RIPOR2: variants seen among roughly 807,000 people sequenced by gnomAD.
RIPOR2 encodes RHO family interacting cell polarization regulator 2.
In RIPOR2, 39 loss-of-function variants were observed where a neutral mutation model predicts 114.5. The ratio of observed to expected loss-of-function variants is 0.34; its 90% confidence interval spans 0.26 to 0.44. The LOEUF (loss-of-function observed/expected upper bound fraction) is 0.44, where lower values mean the gene tolerates loss of function less well. Ranked by LOEUF, RIPOR2 falls within the 20% of genes least tolerant of loss-of-function variation. RIPOR2 has a pLI of 1.00. For missense variants in RIPOR2, 1,007 were observed against 1,255.1 expected (o/e 0.80, Z 2.99); for synonymous variants, 445 against 484.4 (o/e 0.92, Z 1.07).
At chr6:24,944,088 A>C (rs1428101715) in intron 1 of RIPOR2, among the ~76,000 whole-genome samples, 1 of 152,186 alleles carries the variant, frequency 6.6e-6, no homozygotes, top group East Asian at 1.9e-4. Context: ...AAAAGCTCCC[A>C]CATATTCCTG....
intron 1 of RIPOR2, among the ~76,000 whole-genome samples, chr6:24,897,172 G>A (rs1767963864): frequency 6.6e-6 from 1 of 152,240 alleles, no homozygotes; most frequent in Non-Finnish European, 1.5e-5. Flanking sequence ...CTAATCAAAT[G>A]GGATGAGCAG....
chr6:24,959,057 C>T (rs1043209422), intron 1 of RIPOR2, among the ~76,000 whole-genome samples: 7 of 151,138 alleles, frequency 4.6e-5, no homozygotes, highest in African/African-American at 1.7e-4. Context: ...CTCAAGCCAT[C>T]CTCCAGCTTT....
intron 1 of RIPOR2, among the ~76,000 whole-genome samples, chr6:25,007,584 T>C (rs1775608438): frequency 6.6e-6 from 1 of 152,170 alleles, no homozygotes; most frequent in Non-Finnish European, 1.5e-5. Flanking sequence ...TTATAATTGT[T>C]ACTTCATTTT....
chr6:24,994,385 G>C (rs773436075), intron 1 of RIPOR2, among the ~76,000 whole-genome samples: 3 of 152,192 alleles, frequency 2.0e-5, no homozygotes, highest in Non-Finnish European at 4.4e-5. Context: ...CAGCATCTTA[G>C]AGTGTATCAC....
chr6:25,039,348 A>T (rs368977619), intron 1 of RIPOR2, among the ~76,000 whole-genome samples: 3 of 152,050 alleles, frequency 2.0e-5, no homozygotes, highest in South Asian at 2.1e-4. Flanking sequence ...GGAAAATGCA[A>T]CCCTCCAAAA....
At chr6:24,871,184 G>A (rs1355939772) in intron 4 of RIPOR2, among the ~76,000 whole-genome samples, 3 of 152,054 alleles carry the variant, frequency 2.0e-5, no homozygotes, top group Non-Finnish European at 4.4e-5. Flanking sequence ...GATCTCTAAA[G>A]TTTTCACTTG....
At chr6:24,947,018 A>G (rs1480136054) in intron 1 of RIPOR2, among the ~76,000 whole-genome samples, 2 of 152,210 alleles carry the variant, frequency 1.3e-5, no homozygotes. Flanking sequence ...TGTGACAGAA[A>G]GAAAGAAGAA....
At chr6:24,848,962 T>C (rs1458436703) in intron 11 of RIPOR2, among the ~76,000 whole-genome samples, 1 of 152,226 alleles carries the variant, frequency 6.6e-6, no homozygotes, top group Admixed American at 6.5e-5. Flanking sequence ...TGGAGTGCAA[T>C]GGCACGATCT....
chr6:24,890,948 T>C lies in RIPOR2; in HGVS notation c.62-15131A>G, dbSNP rs895841375. Among the ~76,000 whole-genome samples the C allele has an allele frequency of 5.9e-5, 8 of 136,732 alleles. 1 individual carries two copies. The highest frequency in any genetic ancestry group is 2.3e-4 in the African/African-American group (8 of 35,048). 89.7% of individuals were successfully genotyped at this position (136,732 alleles called of 152,430 possible). Reference sequence around the variant, plus strand: ...GGTGGGCCACTGCACCTGGCTCCCATAAATTTATACAAAAAAAAAATTACC... The same window carrying C: ...GGTGGGCCACTGCACCTGGCTCCCACAAATTTATACAAAAAAAAAATTACC... On this transcript the variant is annotated intron_variant, in intron 1 of 21. Coordinates refer to ENST00000643898, the MANE Select transcript of RIPOR2 (RefSeq NM_001286445.3).
chr6:24,877,831 A>G (rs778286636), intron 1 of RIPOR2, among the ~76,000 whole-genome samples: 2 of 152,186 alleles, frequency 1.3e-5, no homozygotes, highest in South Asian at 2.1e-4. Flanking sequence ...TGGACCGCAC[A>G]GTCTAAGCTA....
At chr6:25,023,587 C>G in intron 1 of RIPOR2, 1 of 768,468 alleles carries the variant, frequency 1.3e-6, no homozygotes, top group South Asian at 1.3e-5. Context: ...CCTCCCAGTC[C>G]ATGGTGAAGG....
chr6:24,956,632 G>C (rs941066326), intron 1 of RIPOR2, among the ~76,000 whole-genome samples: 1 of 152,110 alleles, frequency 6.6e-6, no homozygotes, highest in South Asian at 2.1e-4. Flanking sequence ...AGGAATTTAA[G>C]TAATCTGTTT....
At chr6:24,994,073 A>G (rs1774945621) in intron 1 of RIPOR2, among the ~76,000 whole-genome samples, 2 of 152,226 alleles carry the variant, frequency 1.3e-5, no homozygotes, top group South Asian at 4.1e-4. Context: ...GTTCTTTGTT[A>G]AAATGTAAGC....
intron 13 of RIPOR2, chr6:24,839,658 C>T: frequency 6.5e-7 from 1 of 1,534,612 alleles, no homozygotes; most frequent in Admixed American, 2.1e-5. Flanking sequence ...AAAAACAAAA[C>T]CATGTCAACC....
chr6:24,859,878 AG>A (rs1318746162), intron 8 of RIPOR2, among the ~76,000 whole-genome samples: 1 of 152,234 alleles, frequency 6.6e-6, no homozygotes, highest in East Asian at 1.9e-4. Flanking sequence ...TTAGCAACCC[AG>A]GGATCAAGCT....
intron 13 of RIPOR2, chr6:24,839,562 TG>T: frequency 6.8e-7 from 1 of 1,460,150 alleles, no homozygotes; most frequent in Non-Finnish European, 9.3e-7. Context: ...GGTTGAGGGA[TG>T]GGCACACTGG....
chr6:24,906,162 C>A (rs1252110130), intron 1 of RIPOR2, among the ~76,000 whole-genome samples: 2 of 152,096 alleles, frequency 1.3e-5, no homozygotes, highest in Non-Finnish European at 2.9e-5. Context: ...CAAGACATGC[C>A]TTTTGACTGT....
chr6:24,991,785 A>G (rs1161958624), intron 1 of RIPOR2, among the ~76,000 whole-genome samples: 4 of 152,188 alleles, frequency 2.6e-5, no homozygotes, highest in Non-Finnish European at 5.9e-5. Flanking sequence ...AGGAAAAAAA[A>G]GAATAGCCTC....
intron 1 of RIPOR2, among the ~76,000 whole-genome samples, chr6:24,923,708 C>T (rs976822092): frequency 2.1e-4 from 32 of 152,016 alleles, no homozygotes; most frequent in African/African-American, 6.5e-4. Flanking sequence ...TAGCAGGGGA[C>T]GTGATGGCGC....
Sources: allele counts gnomAD v4.1 joint callset (sites outside exome capture counted in the v4.1 genomes callset), GRCh38; gene constraint gnomAD v4.1.1; transcripts MANE v1.5; gene names NCBI Gene and HGNC (gene_info 2026-07-23, HGNC 2026-07-21).